Variants in AP3B1 observed in about 807,000 individuals in gnomAD.
AP3B1 encodes AP-3 complex subunit beta-1.
A neutral mutation model predicts 132.5 loss-of-function variants in AP3B1; 61 were observed. The observed-to-expected ratio is 0.46, with a 90% confidence interval of 0.37 to 0.57. The LOEUF (loss-of-function observed/expected upper bound fraction) is 0.57, where lower values mean the gene tolerates loss of function less well. Among genes scored for constraint, AP3B1 ranks in the 20% least tolerant of loss-of-function variants. AP3B1 has a pLI of 0.00. For missense variants in AP3B1, 1,120 were observed against 1,289.4 expected (o/e 0.87, Z 2.01); for synonymous variants, 388 against 438.3 (o/e 0.89, Z 1.43).
chr5:78,171,320 T>C (rs2112391252), intron 11 of AP3B1, among the ~76,000 whole-genome samples: 1 of 152,352 alleles, frequency 6.6e-6, no homozygotes, highest in South Asian at 2.1e-4. Flanking sequence ...TAAATTACCT[T>C]GGGCAGTATG....
intron 26 of AP3B1, among the ~76,000 whole-genome samples, chr5:78,004,924 T>C (rs181530334): frequency 2.6e-5 from 4 of 152,340 alleles, no homozygotes; most frequent in East Asian, 3.9e-4. Flanking sequence ...ATGAACTAGG[T>C]ACCTCAATTT....
chr5:78,114,354 T>C (rs1751730246), intron 18 of AP3B1, among the ~76,000 whole-genome samples: 1 of 152,086 alleles, frequency 6.6e-6, no homozygotes, highest in African/African-American at 2.4e-5. Flanking sequence ...TGAATCTTCT[T>C]AGGAACAAAT....
intron 19 of AP3B1, 55 bp downstream of exon 19, chr5:78,113,697 T>C: frequency 6.3e-7 from 1 of 1,597,040 alleles, no homozygotes; most frequent in African/African-American, 1.3e-5. Context: ...CATCTCTGCC[T>C]GGGGCAAACT....
At chr5:78,106,864 T>C (rs1483362593) in intron 20 of AP3B1, among the ~76,000 whole-genome samples, 1 of 152,132 alleles carries the variant, frequency 6.6e-6, no homozygotes, top group East Asian at 1.9e-4. Context: ...GTCTTTTGAT[T>C]GTATTAGGTT....
chr5:78,047,003 T>C (rs1034839144), intron 22 of AP3B1, among the ~76,000 whole-genome samples: 2 of 152,184 alleles, frequency 1.3e-5, no homozygotes, highest in African/African-American at 4.8e-5. Flanking sequence ...TTTCCAGCTT[T>C]ATCCATGTCC....
chr5:78,275,244 A>G (rs1440212871), intron 1 of AP3B1, among the ~76,000 whole-genome samples: 1 of 152,250 alleles, frequency 6.6e-6, no homozygotes, highest in African/African-American at 2.4e-5. Flanking sequence ...ATGCCAACAT[A>G]GAATTCCATA....
At chr5:78,065,495 G>A (rs1360993861) in intron 22 of AP3B1, among the ~76,000 whole-genome samples, 3 of 152,150 alleles carry the variant, frequency 2.0e-5, no homozygotes, top group South Asian at 4.2e-4. Flanking sequence ...GAGACTGGGC[G>A]GTTTGGACCC....
intron 6 of AP3B1, among the ~76,000 whole-genome samples, chr5:78,219,027 T>A (rs1580502114): frequency 6.6e-6 from 1 of 152,164 alleles, no homozygotes; most frequent in East Asian, 1.9e-4. Context: ...GGGGCTTTTA[T>A]CAACATTAAA....
At chr5:78,080,079 GCTCTTGACAAT>G (rs1419500179) in intron 22 of AP3B1, among the ~76,000 whole-genome samples, 1 of 152,130 alleles carries the variant, frequency 6.6e-6, no homozygotes, top group Admixed American at 6.5e-5. Context: ...TGCGATCCTG[GCTCTTGACAAT>G]CTCAGCCTCC....
chr5:78,125,518 C>G (rs1226071160), intron 17 of AP3B1, among the ~76,000 whole-genome samples: 1 of 152,020 alleles, frequency 6.6e-6, no homozygotes, highest in African/African-American at 2.4e-5. Flanking sequence ...GAGTGAGAGA[C>G]AAGAAAGATA....
At chr5:78,251,218 G>A (rs1010495552) in intron 2 of AP3B1, among the ~76,000 whole-genome samples, 2 of 143,620 alleles carry the variant, frequency 1.4e-5, no homozygotes, top group Non-Finnish European at 3.1e-5. Context: ...CCAGACAGTT[G>A]AAACAGATTC....
At chr5:78,205,473 T>A (rs1207015280) in intron 7 of AP3B1, among the ~76,000 whole-genome samples, 9 of 151,748 alleles carry the variant, frequency 5.9e-5, no homozygotes, top group Admixed American at 2.6e-4. Context: ...ATATATATTT[T>A]TATATATATA....
At chr5:78,051,352 A>G (rs1748575724) in intron 22 of AP3B1, among the ~76,000 whole-genome samples, 1 of 152,194 alleles carries the variant, frequency 6.6e-6, no homozygotes, top group South Asian at 2.1e-4. Context: ...GGACCATATT[A>G]TCAACTCAAG....
intron 18 of AP3B1, 161 bp downstream of exon 18, chr5:78,115,965 T>C (rs1046350145): frequency 7.4e-6 from 5 of 677,324 alleles, no homozygotes; most frequent in East Asian, 5.7e-5. Context: ...TAAAAATTAC[T>C]TTGAAAACTA....
At chr5:78,094,090 A>C (rs74929517) in intron 21 of AP3B1, among the ~76,000 whole-genome samples, 5,162 of 152,348 alleles carry the variant, frequency 0.034, 281 homozygotes, top group African/African-American at 0.11. Flanking sequence ...TGTACTAACA[A>C]TGTAATGACA....
intron 1 of AP3B1, among the ~76,000 whole-genome samples, chr5:78,277,644 A>G (rs931917020): frequency 6.6e-6 from 1 of 152,192 alleles, no homozygotes; most frequent in Non-Finnish European, 1.5e-5. Context: ...AAAGAATCCA[A>G]AAGAAGATCT....
At chr5:78,107,245 A>T (rs1317734307) in intron 20 of AP3B1, among the ~76,000 whole-genome samples, 1 of 152,144 alleles carries the variant, frequency 6.6e-6, no homozygotes, top group Non-Finnish European at 1.5e-5. Context: ...GAATAGTCAT[A>T]AAAAAAGATC....
At chr5:78,099,895 C>T (rs532553915) in intron 21 of AP3B1, among the ~76,000 whole-genome samples, 7 of 151,016 alleles carry the variant, frequency 4.6e-5, no homozygotes, top group African/African-American at 1.2e-4. Context: ...TCTCGGGGGG[C>T]GGGGAAGAAC....
At chr5:78,075,132 A>G (rs1749710088) in intron 22 of AP3B1, among the ~76,000 whole-genome samples, 1 of 152,186 alleles carries the variant, frequency 6.6e-6, no homozygotes, top group Non-Finnish European at 1.5e-5. Flanking sequence ...AGATTGGAAA[A>G]CAAAACTAAA....
Sources: allele counts gnomAD v4.1 joint callset (sites outside exome capture counted in the v4.1 genomes callset), GRCh38; gene constraint gnomAD v4.1.1; transcripts MANE v1.5; gene names NCBI Gene and HGNC (gene_info 2026-07-23, HGNC 2026-07-21).